ABI3BP: variants seen among roughly 807,000 people sequenced by gnomAD.
ABI3BP encodes target of Nesh-SH3.
A neutral mutation model predicts 268.6 loss-of-function variants in ABI3BP; 216 were observed. The observed-to-expected ratio is 0.80, with a 90% confidence interval of 0.72 to 0.90. The LOEUF is 0.90. Ranked by LOEUF, ABI3BP falls within the 40% of genes least tolerant of loss-of-function variation. The pLI is 0.00. For missense variants in ABI3BP, 2,090 were observed against 2,182.4 expected, an observed-to-expected ratio of 0.96 and a Z score of 0.84; for synonymous variants, 730 against 730.0, an observed-to-expected ratio of 1.00 and a Z score of 0.00.
intron 51 of ABI3BP, among the ~76,000 whole-genome samples, chr3:100,796,977 T>C (rs1268136226): frequency 6.6e-6 from 1 of 151,988 alleles, no homozygotes; most frequent in Non-Finnish European, 1.5e-5. Flanking sequence ...TTACCGTTGC[T>C]GGGGGGAGAA....
chr3:100,838,514 T>C (rs527442530), intron 24 of ABI3BP, 50 bp from the exon 25 acceptor site: 22 of 1,410,782 alleles, frequency 1.6e-5, no homozygotes, highest in Admixed American at 1.4e-4. Flanking sequence ...GCTGTGACTG[T>C]CAAAATTAAG....
chr3:100,968,532 T>C (rs2153838042), intron 1 of ABI3BP, among the ~76,000 whole-genome samples: 1 of 152,294 alleles, frequency 6.6e-6, no homozygotes, highest in African/African-American at 2.4e-5. Flanking sequence ...AGGTAATCAT[T>C]TAATCCATAG....
rs541805553 is a variant in ABI3BP, at chr3:100,922,414, TTTTAAAATAGGGAAAG to T, written c.259+3872_259+3887del. ...GGAATTACAATTGCTAATCAGCTGA[TTTTAAAATAGGGAAAG>T]TATCCTGGATTATCCAGATGAGCTT... On this transcript the variant is annotated intron_variant, in intron 2 of 67. Transcript: ENST00000471714. Among the ~76,000 whole-genome samples, 12 of 152,214 alleles carry T rather than the reference TTTTAAAATAGGGAAAG, an allele frequency of 7.9e-5. No individual in the cohort carries two copies. The South Asian group carries it at 2.3e-3, about 29-fold the overall frequency.
intron 1 of ABI3BP, among the ~76,000 whole-genome samples, chr3:100,934,747 T>G (rs1351932262): frequency 1.3e-5 from 2 of 152,310 alleles, no homozygotes; most frequent in East Asian, 3.9e-4. Context: ...TGATGAGCTT[T>G]TTTTTCATAT....
In ABI3BP at chr3:100,950,907, C is replaced by T. The variant is rs144270767; in HGVS notation, c.80-24426G>A. On this transcript the variant is annotated intron_variant, in intron 1 of 67. Transcript: ENST00000471714. ...TGTTTTATGGGGCTGAGGCCACGTG[C>T]CCAGGGAACATTACATTAATCCCAG... Among the ~76,000 whole-genome samples the T allele has an allele frequency of 1.7e-3, 260 of 151,800 alleles. 3 individuals are homozygous for T. The highest frequency in any genetic ancestry group is 6.0e-3 in the African/African-American group (246 of 41,210).
At chr3:100,966,713 C>A (rs1202122736) in intron 1 of ABI3BP, among the ~76,000 whole-genome samples, 1 of 152,158 alleles carries the variant, frequency 6.6e-6, no homozygotes, top group Non-Finnish European at 1.5e-5. Flanking sequence ...CTCCCCTGAT[C>A]CATCACACAT....
In ABI3BP at chr3:100,803,093, AT is replaced by A. The variant is rs2152381576; in HGVS notation, c.3757+1698del. Among the ~76,000 whole-genome samples the A allele has an allele frequency of 1.4e-5, 2 of 146,222 alleles. 1 individual carries two copies. Among genetic ancestry groups the A allele is most frequent in the South Asian group, 4.9e-4 (2 of 4,108 alleles). On this transcript the variant is annotated intron_variant, in intron 51 of 67. Transcript: ENST00000471714. ...GATCATATGGCAGGGCCAACACCAG[AT>A]TTAGGGACAGAAACTTAACTCTGAA... is the stretch of plus-strand genomic sequence containing the variant.
At chr3:100,837,741 C>A (rs1222019746) in intron 26 of ABI3BP, among the ~76,000 whole-genome samples, 2 of 151,984 alleles carry the variant, frequency 1.3e-5, no homozygotes, top group Admixed American at 6.6e-5. Context: ...CGTGACAGAG[C>A]AAGACTCCAT....
At chr3:100,957,281 C>T (rs140325885) in intron 1 of ABI3BP, among the ~76,000 whole-genome samples, 5 of 152,184 alleles carry the variant, frequency 3.3e-5, no homozygotes, top group Middle Eastern at 3.4e-3. Context: ...TGAGGAGCTA[C>T]GGATGTCTCC....
chr3:100,763,822 A>T (rs749333279), intron 63 of ABI3BP, among the ~76,000 whole-genome samples: 1 of 152,210 alleles, frequency 6.6e-6, no homozygotes, highest in Non-Finnish European at 1.5e-5. Context: ...GACATGAACA[A>T]AAAGTTATTT....
chr3:100,875,439 A>G, intron 8 of ABI3BP, 69 bp downstream of exon 8: 1 of 1,213,626 alleles, frequency 8.2e-7, no homozygotes, highest in Non-Finnish European at 1.2e-6. Flanking sequence ...GCAAAACTCC[A>G]GAAAAGCCCT....
At chr3:100,875,742 G>T (rs972411403) in intron 7 of ABI3BP, among the ~76,000 whole-genome samples, 163 bp from the exon 8 acceptor site, 2 of 152,264 alleles carry the variant, frequency 1.3e-5, no homozygotes, top group Non-Finnish European at 2.9e-5. Flanking sequence ...GGATTGGAAG[G>T]CATACCTTAC....
At chr3:100,961,981 C>A (rs1244595330) in intron 1 of ABI3BP, among the ~76,000 whole-genome samples, 4 of 152,160 alleles carry the variant, frequency 2.6e-5, no homozygotes, top group African/African-American at 4.8e-5. Context: ...ATGAGCCCAA[C>A]AATCTCCTTT....
intron 1 of ABI3BP, among the ~76,000 whole-genome samples, chr3:100,941,370 G>C (rs2069141487): frequency 6.6e-6 from 1 of 152,076 alleles, no homozygotes; most frequent in Non-Finnish European, 1.5e-5. Context: ...AATACCCATA[G>C]ATCCATAATT....
rs1260133571 is a variant in ABI3BP at position 100,933,592 on chromosome 3, A to G, written c.80-7111T>C. 2.0e-5 allele frequency among the ~76,000 whole-genome samples: 3 copies of G among 149,268 alleles called. No individual in the cohort carries two copies. In the Admixed American group the frequency reaches 2.0e-4, roughly 10 times the overall value. Reference sequence around the variant, plus strand: ...TTGAATTTTAAAAGAACTAACAAGAAAAAAAAAAGGCAAGCTACCCATTGG... The same window carrying G: ...TTGAATTTTAAAAGAACTAACAAGAGAAAAAAAAGGCAAGCTACCCATTGG... On this transcript the variant is annotated intron_variant, in intron 1 of 67. Coordinates refer to ENST00000471714, the MANE Select transcript of ABI3BP (RefSeq NM_001375547.2).
chr3:100,804,281 T>C (rs2097630546), intron 51 of ABI3BP, among the ~76,000 whole-genome samples: 1 of 151,960 alleles, frequency 6.6e-6, no homozygotes, highest in Non-Finnish European at 1.5e-5. Flanking sequence ...AAAGAAACCA[T>C]TGTGTGTGTG....
intron 2 of ABI3BP, among the ~76,000 whole-genome samples, chr3:100,909,245 T>C (rs919240284): frequency 6.6e-6 from 1 of 152,118 alleles, no homozygotes; most frequent in Non-Finnish European, 1.5e-5. Flanking sequence ...TTACACCTTA[T>C]ACAAAAATTA....
intron 63 of ABI3BP, 74 bp downstream of exon 63, chr3:100,765,767 A>G: frequency 4.7e-6 from 5 of 1,066,154 alleles, no homozygotes; most frequent in Non-Finnish European, 7.1e-6. Flanking sequence ...GAAGATGATT[A>G]TCATTTCTTT....
chr3:100,977,425 C>G (rs550851635), intron 1 of ABI3BP, among the ~76,000 whole-genome samples: 1 of 145,450 alleles, frequency 6.9e-6, no homozygotes, highest in South Asian at 2.2e-4. Flanking sequence ...AAGATATTGG[C>G]CAGGATTACC....
Sources: gnomAD v4.1 joint callset for allele counts (sites outside exome capture counted in the v4.1 genomes callset) on GRCh38, gnomAD v4.1.1 for gene constraint, MANE v1.5 for transcripts, NCBI Gene and HGNC (gene_info 2026-07-23, HGNC 2026-07-21) for gene names.